The following SGCZ variants were observed in gnomAD, a reference collection of about 807,000 sequenced individuals.
The protein encoded by SGCZ is sarcoglycan zeta.
SGCZ carries 40 observed loss-of-function variants against 41.3 expected under a neutral mutation model. The observed-to-expected ratio is 0.97, with a 90% CI of 0.75 to 1.26. SGCZ has a LOEUF of 1.26. Ranked by LOEUF, SGCZ falls within the 50% of genes most tolerant of loss-of-function variation. The pLI is 0.00. For missense variants in SGCZ, 552 were observed against 369.8 expected (o/e 1.49, Z -4.04); for synonymous variants, 206 against 137.5 (o/e 1.50, Z -3.49).
At chr8:14,945,800 T>C (rs1214583300) in intron 1 of SGCZ, among the ~76,000 whole-genome samples, 1 of 151,072 alleles carries the variant, frequency 6.6e-6, no homozygotes, top group African/African-American at 2.4e-5. Context: ...CTCCAGCCTT[T>C]GGACTCAGGA....
At chr8:14,169,161 A>G (rs10110910) in intron 4 of SGCZ, among the ~76,000 whole-genome samples, 2,022 of 152,224 alleles carry the variant, frequency 0.013, 41 homozygotes, top group African/African-American at 0.044. Context: ...AGAAGGTACA[A>G]CTTGACATTC....
At chr8:14,222,167 TTTTTG>T (rs751015527) in intron 4 of SGCZ, among the ~76,000 whole-genome samples, 82 of 152,178 alleles carry the variant, frequency 5.4e-4, no homozygotes, top group South Asian at 1.2e-3. Flanking sequence ...TGTTGCTGTT[TTTTTG>T]TTTTGTTTTG....
chr8:14,497,330 A>G (rs1802018220), intron 2 of SGCZ, among the ~76,000 whole-genome samples: 1 of 152,144 alleles, frequency 6.6e-6, no homozygotes, highest in Admixed American at 6.6e-5. Context: ...GAGAGGGAGC[A>G]AGAGAAAGAA....
intron 1 of SGCZ, among the ~76,000 whole-genome samples, chr8:15,061,852 T>G (rs1804949643): frequency 6.6e-6 from 1 of 152,170 alleles, no homozygotes; most frequent in South Asian, 2.1e-4. Context: ...GACACCACCC[T>G]ACAAGTTGTT....
At chr8:15,198,805 G>A (rs1800811012) in intron 1 of SGCZ, among the ~76,000 whole-genome samples, 1 of 152,170 alleles carries the variant, frequency 6.6e-6, no homozygotes, top group South Asian at 2.1e-4. Context: ...CTAAGTTACA[G>A]GGCTTCAAGC....
intron 2 of SGCZ, among the ~76,000 whole-genome samples, chr8:14,483,727 T>A (rs1801597052): frequency 6.6e-6 from 1 of 152,194 alleles, no homozygotes; most frequent in South Asian, 2.1e-4. Flanking sequence ...TCTTGGTTAC[T>A]TGTATAAGAA....
chr8:14,623,900 C>T (rs972219270), intron 1 of SGCZ, among the ~76,000 whole-genome samples: 5 of 152,264 alleles, frequency 3.3e-5, no homozygotes, highest in Middle Eastern at 3.4e-3. Context: ...ATACCCACTT[C>T]TGGACTTTTC....
chr8:15,168,024 C>T (rs770399171), intron 1 of SGCZ, among the ~76,000 whole-genome samples: 1 of 152,220 alleles, frequency 6.6e-6, no homozygotes, highest in Non-Finnish European at 1.5e-5. Context: ...ATCTTTGCAG[C>T]ATAACTATAG....
chr8:14,830,568 G>T (rs543084547), intron 1 of SGCZ, among the ~76,000 whole-genome samples: 1 of 152,124 alleles, frequency 6.6e-6, no homozygotes, highest in African/African-American at 2.4e-5. Flanking sequence ...AGATAACTGT[G>T]AAAGTCCATA....
chr8:14,408,972 CATGTGTGCGT>C (rs1563310513), intron 2 of SGCZ, among the ~76,000 whole-genome samples: 263 of 69,674 alleles, frequency 3.8e-3, no homozygotes, highest in African/African-American at 0.021. Flanking sequence ...TGTGTGTGTG[CATGTGTGCGT>C]GTGTGTGTGT....
At chr8:14,578,772 C>T (rs1041076244) in intron 1 of SGCZ, among the ~76,000 whole-genome samples, 8 of 152,086 alleles carry the variant, frequency 5.3e-5, no homozygotes, top group African/African-American at 1.9e-4. Context: ...AAAGAAAAAT[C>T]CTGGCATATA....
chr8:14,813,439 T>G (rs974158052), intron 1 of SGCZ, among the ~76,000 whole-genome samples: 8 of 152,088 alleles, frequency 5.3e-5, no homozygotes, highest in African/African-American at 1.4e-4. Context: ...TAGCTAGAAA[T>G]GCAAATCTGA....
intron 1 of SGCZ, among the ~76,000 whole-genome samples, chr8:14,633,902 G>C (rs566490085): frequency 1.3e-5 from 2 of 151,014 alleles, no homozygotes; most frequent in South Asian, 2.2e-4. Flanking sequence ...ACAAACAAAA[G>C]TTTCTTAATT....
chr8:14,240,998 C>T (rs978474908), intron 3 of SGCZ, among the ~76,000 whole-genome samples: 3 of 152,162 alleles, frequency 2.0e-5, no homozygotes, highest in Admixed American at 2.0e-4. Context: ...TCAGCACCAA[C>T]ATACCACCTC....
chr8:14,177,959 T>TTTTCTTTTTGTTTC (rs1491549127), intron 4 of SGCZ, among the ~76,000 whole-genome samples: 1 of 53,022 alleles, frequency 1.9e-5, no homozygotes, highest in Non-Finnish European at 5.0e-5. Context: ...TTTTTTTTTC[T>TTTTCTTTTTGTTTC]TTTTTTTTTT....
At chr8:14,895,705 T>A (rs889900064) in intron 1 of SGCZ, among the ~76,000 whole-genome samples, 3 of 152,332 alleles carry the variant, frequency 2.0e-5, no homozygotes, top group South Asian at 4.1e-4. Flanking sequence ...GCCAGGAACT[T>A]TGCTATGTTC....
intron 2 of SGCZ, among the ~76,000 whole-genome samples, chr8:14,364,218 T>G (rs1217803934): frequency 1.5e-4 from 5 of 33,046 alleles, no homozygotes; most frequent in East Asian, 6.2e-3. Flanking sequence ...ACTTAGAGCT[T>G]TTAATGTTAT....
intron 2 of SGCZ, among the ~76,000 whole-genome samples, chr8:14,514,842 C>G (rs1324936628): frequency 6.8e-6 from 1 of 147,646 alleles, no homozygotes; most frequent in South Asian, 2.1e-4. Context: ...CACACACACA[C>G]ACTGCATATA....
intron 3 of SGCZ, among the ~76,000 whole-genome samples, chr8:14,260,044 G>T (rs1291890642): frequency 2.6e-5 from 4 of 152,032 alleles, no homozygotes; most frequent in African/African-American, 9.7e-5. Context: ...TTGTAAGTTG[G>T]ATTCCTAGGT....
Sources: gnomAD v4.1 joint callset for allele counts (sites outside exome capture counted in the v4.1 genomes callset) on GRCh38, gnomAD v4.1.1 for gene constraint, MANE v1.5 for transcripts, NCBI Gene and HGNC (gene_info 2026-07-23, HGNC 2026-07-21) for gene names.